Variants in TRAK1 observed in about 807,000 individuals in gnomAD.
TRAK1 encodes trafficking kinesin protein 1.
In TRAK1, 33 loss-of-function variants were observed where a neutral mutation model predicts 92.1. The ratio of observed to expected loss-of-function variants is 0.36; its 90% CI spans 0.27 to 0.48. The LOEUF is 0.48. Among genes scored for constraint, TRAK1 ranks in the 20% least tolerant of loss-of-function variants. TRAK1 has a pLI of 0.99. For missense variants in TRAK1, 1,123 were observed against 1,257.9 expected (o/e 0.89, Z 1.62); for synonymous variants, 521 against 517.3 (o/e 1.01, Z -0.10).
At chr3:42,199,634 C>A (rs1322862172) in intron 11 of TRAK1, among the ~76,000 whole-genome samples, 4 of 152,084 alleles carry the variant, frequency 2.6e-5, no homozygotes, top group Non-Finnish European at 5.9e-5. Flanking sequence ...TTAAAAAAAT[C>A]TTTTGTAGAC....
intron 1 of TRAK1, among the ~76,000 whole-genome samples, chr3:42,102,681 C>T (rs769915891): frequency 1.3e-5 from 2 of 152,208 alleles, no homozygotes; most frequent in African/African-American, 4.8e-5. Context: ...TCTGGCGGCT[C>T]TACCCTGACC....
At chr3:42,157,457 C>CAAAAAAAAAAAAAAAAAAAAAAAAAAAA (rs60622565) in intron 2 of TRAK1, among the ~76,000 whole-genome samples, 1 of 31,108 alleles carries the variant, frequency 3.2e-5, no homozygotes, top group Non-Finnish European at 5.4e-5. Flanking sequence ...GACCCTGTCT[C>CAAAAAAAAAAAAAAAAAAAAAAAAAAAA]AAAAAAAAAA....
chr3:42,061,121 A>G (rs1388611813), intron 1 of TRAK1, among the ~76,000 whole-genome samples: 1 of 152,168 alleles, frequency 6.6e-6, no homozygotes, highest in Non-Finnish European at 1.5e-5. Context: ...TTGTTATGGT[A>G]TAATTTTAGA....
chr3:42,210,998 CT>C, intron 14 of TRAK1: 2 of 985,490 alleles, frequency 2.0e-6, no homozygotes, highest in Non-Finnish European at 2.4e-6. Context: ...TCTGTCTAGA[CT>C]GGACCTCCCA....
chr3:42,109,335 A>G (rs1708025410), intron 1 of TRAK1, among the ~76,000 whole-genome samples: 1 of 152,242 alleles, frequency 6.6e-6, no homozygotes. Flanking sequence ...AGATGGTTCA[A>G]AAGGTGATTC....
In TRAK1 at chr3:42,094,449, G is replaced by A. The variant is rs1166609244; in HGVS notation, c.91+2889G>A. On this transcript the variant is annotated intron_variant, in intron 1 of 15. Coordinates refer to ENST00000327628, the MANE Select transcript of TRAK1 (RefSeq NM_001042646.3). Reference sequence around the variant, plus strand: ...TGCAGTGGTGCAGTGCAGTCATGGTGTATTGCAATCTTGAACTCCTGGGCT... The same window carrying A: ...TGCAGTGGTGCAGTGCAGTCATGGTATATTGCAATCTTGAACTCCTGGGCT... Among the ~76,000 whole-genome samples the A allele has an allele frequency of 2.0e-5, 3 of 152,236 alleles. No individual in the cohort carries two copies. The East Asian group carries it at 5.8e-4, about 29-fold the overall frequency.
Position 42,201,074 on chromosome 3 carries a change from T to C in TRAK1, c.1427+20T>C, listed in dbSNP as rs1707473648. ...CCTGGGGTGAGCAAGCTGGGAGTTT[T>C]CACTTCTCTGTTTTGGGGTGAGGAG... On this transcript the variant is annotated intron_variant, in intron 12 of 15. Coordinates refer to ENST00000327628, the MANE Select transcript of TRAK1 (RefSeq NM_001042646.3). 3 of 1,612,058 alleles carry C rather than the reference T, an allele frequency of 1.9e-6. No individual in the cohort carries two copies. The highest frequency in any genetic ancestry group is 1.7e-5 in the Admixed American group (1 of 60,002).
upstream of TRAK1, among the ~76,000 whole-genome samples, chr3:42,090,719 C>A (rs1704979467): frequency 6.6e-6 from 1 of 152,102 alleles, no homozygotes; most frequent in Non-Finnish European, 1.5e-5. Flanking sequence ...AAAAACACAA[C>A]AAAGAAGTGG....
At chr3:42,047,922 C>CTTT (rs11422406) in intron 1 of TRAK1, among the ~76,000 whole-genome samples, 3,821 of 129,118 alleles carry the variant, frequency 0.03, 191 homozygotes, top group African/African-American at 0.1. Context: ...AGTTTCTTTT[C>CTTT]TTTTTTTTTT....
chr3:42,186,300 A>G (rs1024856819), intron 4 of TRAK1, among the ~76,000 whole-genome samples: 4 of 152,058 alleles, frequency 2.6e-5, no homozygotes, highest in East Asian at 3.8e-4. Flanking sequence ...CTTATTTTCT[A>G]TCAGAAACTT....
At chr3:42,222,072 G>A (rs1414215009) in intron 15 of TRAK1, 2 of 152,006 alleles carry the variant, frequency 1.3e-5, no homozygotes, top group African/African-American at 4.8e-5. Context: ...TGCCCTTCTG[G>A]AAACTTTTCT....
At chr3:42,080,591 G>GC (rs1461539457) in intron 1 of TRAK1, among the ~76,000 whole-genome samples, 1 of 152,184 alleles carries the variant, frequency 6.6e-6, no homozygotes, top group African/African-American at 2.4e-5. Context: ...GCCAGGGTTT[G>GC]CTGGAGCCAG....
chr3:42,015,650 TG>T (rs1701494200), intron 1 of TRAK1, among the ~76,000 whole-genome samples: 1 of 152,228 alleles, frequency 6.6e-6, no homozygotes. Flanking sequence ...GTTTGTAATT[TG>T]GTAAGCTTTT....
intron 14 of TRAK1, chr3:42,211,150 A>G (rs1708983835): frequency 3.0e-6 from 3 of 985,370 alleles, no homozygotes; most frequent in Middle Eastern, 5.2e-4. Flanking sequence ...TTTGTGATTC[A>G]TAATTTTCAT....
intron 2 of TRAK1, chr3:42,151,416 G>A (rs1485034295): frequency 4.4e-6 from 2 of 455,720 alleles, no homozygotes; most frequent in Non-Finnish European, 8.8e-6. Flanking sequence ...AAGAGGAGAT[G>A]GCTCAACTGT....
chr3:42,036,314 G>GTA (rs1702325019), intron 1 of TRAK1, among the ~76,000 whole-genome samples: 1 of 152,228 alleles, frequency 6.6e-6, no homozygotes, highest in African/African-American at 2.4e-5. Flanking sequence ...GTGCCTCACA[G>GTA]TAGTGCCTGG....
chr3:42,122,377 C>T (rs190477848), intron 1 of TRAK1, among the ~76,000 whole-genome samples: 65 of 151,964 alleles, frequency 4.3e-4, no homozygotes, highest in Middle Eastern at 3.4e-3. Flanking sequence ...GTTGCCTTCC[C>T]CACCACCAAA....
intron 1 of TRAK1, among the ~76,000 whole-genome samples, chr3:42,037,479 GA>G (rs964030451): frequency 2.6e-5 from 4 of 152,218 alleles, no homozygotes; most frequent in Non-Finnish European, 4.4e-5. Flanking sequence ...GGGTACTGGG[GA>G]TGGTGAGCAG....
chr3:42,089,871 C>A (rs1426124708), upstream of TRAK1, among the ~76,000 whole-genome samples: 1 of 152,172 alleles, frequency 6.6e-6, no homozygotes, highest in Non-Finnish European at 1.5e-5. Context: ...TAACGTAGTG[C>A]CTGCCTGTGG....
Sources: allele counts gnomAD v4.1 joint callset (sites outside exome capture counted in the v4.1 genomes callset), GRCh38; gene constraint gnomAD v4.1.1; transcripts MANE v1.5; gene names NCBI Gene and HGNC (gene_info 2026-07-23, HGNC 2026-07-21).